Variants in TFEC observed in about 807,000 individuals in gnomAD.
The protein encoded by TFEC is transcription factor EC, also known as class E basic helix-loop-helix protein 34.
In TFEC, 31 loss-of-function variants were observed where a neutral mutation model predicts 41.6. That is an observed-to-expected ratio of 0.74 (90% CI 0.56 to 1.01). The LOEUF is 1.01. Among genes scored for constraint, TFEC ranks in the 50% least tolerant of loss-of-function variants. The pLI, the probability that TFEC is intolerant of heterozygous loss-of-function variation, is 0.00. For missense variants in TFEC, 402 were observed against 404.1 expected (o/e 0.99, Z 0.04); for synonymous variants, 143 against 140.6 (o/e 1.02, Z -0.12).
At chr7:116,119,388 A>T (rs1190422243) in intron 1 of TFEC, among the ~76,000 whole-genome samples, 1 of 151,916 alleles carries the variant, frequency 6.6e-6, no homozygotes, top group Non-Finnish European at 1.5e-5. Context: ...AATTAATTTT[A>T]AAATATGCAT....
At chr7:115,949,940 C>A (rs1429086329) in intron 6 of TFEC, among the ~76,000 whole-genome samples, 1 of 151,862 alleles carries the variant, frequency 6.6e-6, no homozygotes, top group African/African-American at 2.4e-5. Flanking sequence ...AAAATTTTCG[C>A]AACCTACTCA....
At chr7:115,950,819 C>G in intron 6 of TFEC, 55 bp downstream of exon 6, 2 of 1,370,178 alleles carry the variant, frequency 1.5e-6, no homozygotes, top group Non-Finnish European at 2.0e-6. Flanking sequence ...CCCTCCCATT[C>G]ATTTTGGGGG....
At chr7:116,073,121 T>G (rs1262252953) in intron 3 of TFEC, among the ~76,000 whole-genome samples, 1 of 151,616 alleles carries the variant, frequency 6.6e-6, no homozygotes, top group Non-Finnish European at 1.5e-5. Flanking sequence ...GTATTAGAAC[T>G]AATAAATGAG....
chr7:115,954,673 C>T lies in TFEC; in HGVS notation c.383-31G>A, dbSNP rs4500027. 442 of 1,584,752 alleles carry T rather than the reference C, an allele frequency of 2.8e-4. 5 individuals are homozygous for T. The South Asian group carries it at 4.7e-3, about 17-fold the overall frequency. ...CAAAAGAAAAATAATAAAAACCATG[C>T]TTAGTTCTACCTTAAAACCCCTCCA... On this transcript the variant is annotated intron_variant, in intron 4 of 7. Transcript: ENST00000265440.
chr7:115,981,846 G>A (rs1408306738), intron 2 of TFEC, among the ~76,000 whole-genome samples: 2 of 152,048 alleles, frequency 1.3e-5, no homozygotes, highest in Non-Finnish European at 2.9e-5. Flanking sequence ...AAGAAAAGGT[G>A]TAAGAAGGAG....
exon 3 of TFEC, chr7:116,110,918 T>A (rs1471392708): frequency 1.9e-5 from 28 of 1,504,314 alleles, no homozygotes; most frequent in Non-Finnish European, 2.5e-5. Context: ...TTCTCTTCTT[T>A]TCTTCTCACT....
At chr7:116,062,032 C>T (rs1393133718) in intron 3 of TFEC, among the ~76,000 whole-genome samples, 1 of 150,804 alleles carries the variant, frequency 6.6e-6, no homozygotes, top group Non-Finnish European at 1.5e-5. Context: ...CTTCCCATCC[C>T]TTCCCCTAGT....
intron 3 of TFEC, among the ~76,000 whole-genome samples, chr7:116,105,358 T>C (rs1204697711): frequency 3.3e-5 from 5 of 152,184 alleles, no homozygotes; most frequent in Admixed American, 6.6e-5. Context: ...TACAAATATT[T>C]TTCTCCAGTT....
chr7:116,020,512 A>G (rs563285582), intron 1 of TFEC, among the ~76,000 whole-genome samples: 1 of 152,320 alleles, frequency 6.6e-6, no homozygotes, highest in East Asian at 1.9e-4. Flanking sequence ...GTGGGATTCG[A>G]TTTAGTTCTC....
intron 5 of TFEC, among the ~76,000 whole-genome samples, chr7:115,954,075 G>A (rs1792089093): frequency 6.6e-6 from 1 of 152,006 alleles, no homozygotes; most frequent in South Asian, 2.1e-4. Flanking sequence ...CATATGACCT[G>A]TTATCAGAGT....
At chr7:116,110,691 T>C (rs1797834021) in intron 3 of TFEC, 1 of 1,390,672 alleles carries the variant, frequency 7.2e-7, no homozygotes, top group Non-Finnish European at 9.4e-7. Flanking sequence ...CGGCTGTATA[T>C]GTATACAGAT....
intron 1 of TFEC, among the ~76,000 whole-genome samples, chr7:116,127,286 G>A (rs971366150): frequency 1.7e-4 from 26 of 151,988 alleles, no homozygotes; most frequent in Non-Finnish European, 7.4e-5. Flanking sequence ...TAGTAGAGAC[G>A]GGGTTTCACC....
At chr7:115,950,998 C>G (rs753340240) in intron 5 of TFEC, 49 bp from the exon 6 acceptor site, 1 of 1,209,022 alleles carries the variant, frequency 8.3e-7, no homozygotes, top group African/African-American at 1.6e-5. Context: ...GCACAGTTCA[C>G]TTTTGGTCAG....
At chr7:116,114,584 A>G (rs1024946948) in intron 1 of TFEC, among the ~76,000 whole-genome samples, 1 of 151,896 alleles carries the variant, frequency 6.6e-6, no homozygotes, top group East Asian at 1.9e-4. Context: ...TCCAAGGGAG[A>G]CAGAGAGTTT....
chr7:115,998,265 T>C (rs1179072942), intron 1 of TFEC, among the ~76,000 whole-genome samples: 2 of 151,896 alleles, frequency 1.3e-5, no homozygotes, highest in Non-Finnish European at 2.9e-5. Context: ...ATTTAAACAA[T>C]AGGTTATAAG....
intron 1 of TFEC, among the ~76,000 whole-genome samples, chr7:116,029,322 A>T (rs1166410406): frequency 1.3e-5 from 2 of 152,198 alleles, no homozygotes; most frequent in African/African-American, 4.8e-5. Context: ...CTTCCATCCA[A>T]AAGTAAAATA....
chr7:116,070,696 T>A (rs1313273430), intron 3 of TFEC, among the ~76,000 whole-genome samples: 1 of 151,420 alleles, frequency 6.6e-6, no homozygotes. Flanking sequence ...ACATTGAAGT[T>A]TTAATGGCAA....
At chr7:115,997,755 G>T (rs1011941577) in intron 1 of TFEC, among the ~76,000 whole-genome samples, 2 of 152,060 alleles carry the variant, frequency 1.3e-5, no homozygotes, top group Non-Finnish European at 2.9e-5. Context: ...TTAACAAAGA[G>T]ATTGAAATAA....
chr7:116,121,914 A>G (rs556833493), intron 1 of TFEC, among the ~76,000 whole-genome samples: 1 of 152,140 alleles, frequency 6.6e-6, no homozygotes, highest in South Asian at 2.1e-4. Context: ...AAATGTAGCT[A>G]TTGGGAGGAA....
Sources: allele counts gnomAD v4.1 joint callset (sites outside exome capture counted in the v4.1 genomes callset), GRCh38; gene constraint gnomAD v4.1.1; transcripts MANE v1.5; gene names NCBI Gene and HGNC (gene_info 2026-07-23, HGNC 2026-07-21).